Variants in MKRN1 observed in about 807,000 individuals in gnomAD.
MKRN1 encodes the protein E3 ubiquitin-protein ligase makorin-1.
MKRN1 carries 9 observed loss-of-function variants against 55.5 expected under a neutral mutation model. The ratio of observed to expected loss-of-function variants is 0.16; its 90% CI spans 0.10 to 0.28. The LOEUF (loss-of-function observed/expected upper bound fraction) is 0.28, where lower values mean the gene tolerates loss of function less well. Ranked by LOEUF, MKRN1 falls within the 10% of genes least tolerant of loss-of-function variation. The pLI, the probability that MKRN1 is intolerant of heterozygous loss-of-function variation, is 1.00. For synonymous variants in MKRN1, 253 were observed against 235.9 expected, an observed-to-expected ratio of 1.07 and a Z score of -0.66; for missense variants, 488 against 626.7, an observed-to-expected ratio of 0.78 and a Z score of 2.36.
intron 4 of MKRN1, 167 bp from the exon 5 acceptor site, chr7:140,457,033 GTTTT>G (rs61226924): frequency 1.3e-5 from 8 of 602,894 alleles, no homozygotes; most frequent in Admixed American, 3.4e-5. Context: ...CAGGTGTGGT[GTTTT>G]TTTTTTGTTT....
At chr7:140,476,897 C>T (rs555241275) in intron 1 of MKRN1, among the ~76,000 whole-genome samples, 9 of 152,002 alleles carry the variant, frequency 5.9e-5, no homozygotes, top group African/African-American at 2.2e-4. Flanking sequence ...CTGACCAACA[C>T]GGAGAAAGCC....
intron 1 of MKRN1, chr7:140,473,927 G>T (rs751979672): frequency 1.3e-5 from 2 of 149,764 alleles, no homozygotes; most frequent in Non-Finnish European, 3.0e-5. Flanking sequence ...AGGAGATGGC[G>T]ATTGCACCGA....
rs192670837 is a variant in MKRN1 at position 140,467,926 on chromosome 7, C to T, written c.314+3957G>A. Among the ~76,000 whole-genome samples the T allele has an allele frequency of 4.0e-3, 570 of 144,302 alleles. 3 individuals carry two copies. The highest frequency in any genetic ancestry group is 0.015 in the African/African-American group (544 of 36,804). 94.7% of individuals were successfully genotyped at this position (144,302 alleles called of 152,430 possible). On this transcript the variant is annotated intron_variant, in intron 2 of 7. Coordinates refer to ENST00000255977, the MANE Select transcript of MKRN1 (RefSeq NM_013446.4). ...CTGAGGCAGGACAATCACTTGAACCCGGGAGGTGGAGGTTGCGGTGAGCCG... is the reference window on the plus strand; with the variant it reads ...CTGAGGCAGGACAATCACTTGAACCTGGGAGGTGGAGGTTGCGGTGAGCCG...
Position 140,479,411 on chromosome 7 carries a change from G to C in MKRN1, c.-67C>G. 8.0e-7 allele frequency: 1 copy of C among 1,254,884 alleles called. No homozygotes were observed. The highest frequency in any genetic ancestry group is 1.0e-6 in the Non-Finnish European group (1 of 994,738). The allele number at this position is 1,254,884 out of a possible 1,614,324, so 77.7% of individuals were successfully genotyped here. A position where few individuals can be genotyped will look rare whatever the true frequency, so the allele number is the denominator to read the frequency against. On this transcript the variant is annotated 5_prime_UTR_variant, in exon 1 of 8. Transcript: ENST00000255977. Reference sequence around the variant, plus strand: ...ATCACATAGTTCCGGTCCGGCTGCGGGGAGAGGACGGCGAGGCCAGGCGAG... The same window carrying C: ...ATCACATAGTTCCGGTCCGGCTGCGCGGAGAGGACGGCGAGGCCAGGCGAG...
In MKRN1 at chr7:140,474,089, C is replaced by T. The variant is rs547962654; in HGVS notation, c.186-2078G>A. On this transcript the variant is annotated intron_variant, in intron 1 of 7. Transcript: ENST00000255977. ...AGAATAAAAGACTGTAGGGTGGGCC[C>T]GGTGGCTCACACCTACAATCCCAGC... is the stretch of plus-strand genomic sequence containing the variant. Among the ~76,000 whole-genome samples the T allele has an allele frequency of 1.0e-3, 154 of 150,512 alleles. 1 individual carries two copies. In the South Asian group the frequency reaches 0.031, roughly 30 times the overall value.
chr7:140,460,804 A>T (rs939303615), intron 2 of MKRN1, among the ~76,000 whole-genome samples: 5 of 152,240 alleles, frequency 3.3e-5, no homozygotes, highest in South Asian at 2.1e-4. Context: ...CAAATATTTT[A>T]GGCTTTGTAG....
intron 1 of MKRN1, among the ~76,000 whole-genome samples, chr7:140,476,113 T>C (rs958670930): frequency 1.3e-5 from 2 of 152,160 alleles, no homozygotes; most frequent in Non-Finnish European, 2.9e-5. Context: ...AATTCCTAGA[T>C]ACAGGAGTGA....
chr7:140,474,005 AAAAGAAAG>A (rs71272543), intron 1 of MKRN1, among the ~76,000 whole-genome samples: 7,330 of 65,300 alleles, frequency 0.11, 447 homozygotes, highest in Admixed American at 0.2. Flanking sequence ...AAAAAAAAAA[AAAAGAAAG>A]AAAGAAAGAA....
At position 140,454,992 on chromosome 7, in the gene MKRN1, C is replaced by G. The variant is rs186283328; in HGVS notation, c.1236+103G>C. On this transcript the variant is annotated intron_variant, in intron 7 of 7. Transcript: ENST00000255977. Reference sequence around the variant, plus strand: ...TCCTTTAATACTCTACACTTTCGCTCCCAGACCTGAGCGTTAACCTTCTCC... The same window carrying G: ...TCCTTTAATACTCTACACTTTCGCTGCCAGACCTGAGCGTTAACCTTCTCC... 5.1e-5 allele frequency: 76 copies of G among 1,490,212 alleles called. No homozygotes were observed. In the Admixed American group the frequency reaches 8.8e-4, roughly 17 times the overall value. 92.3% of individuals were successfully genotyped at this position (1,490,212 alleles called of 1,614,324 possible).
chr7:140,474,064 A>AGAAAGAAAGAAAGAAT (rs1563097061), intron 1 of MKRN1, among the ~76,000 whole-genome samples: 2 of 145,074 alleles, frequency 1.4e-5, no homozygotes, highest in Non-Finnish European at 3.0e-5. Flanking sequence ...AAAGAAAGAA[A>AGAAAGAAAGAAAGAAT]GAATAAAAGA....
intron 2 of MKRN1, among the ~76,000 whole-genome samples, chr7:140,468,257 A>G (rs1469099751): frequency 2.0e-5 from 3 of 151,980 alleles, no homozygotes; most frequent in African/African-American, 7.3e-5. Context: ...GTAACTCTCA[A>G]AAGACTAGAA....
rs1234260868 is a variant in MKRN1 at position 140,479,266 on chromosome 7, A to G, written c.79T>C (p.Ser27Pro). 3 of 1,391,702 alleles carry G rather than the reference A, an allele frequency of 2.2e-6. No individual in the cohort carries two copies. The highest frequency in any genetic ancestry group is 1.9e-6 in the Non-Finnish European group (2 of 1,073,536). The allele number at this position is 1,391,702 out of a possible 1,614,324, so 86.2% of individuals were successfully genotyped here. ...GTGACTGTGGGGATCGGGGTGGGGG[A>G]GGCTGCTGCCGCCGTCGCCGCTGCC... ...GAAAATAAAA[S>P]PTPIPTVTAP... is the part of the protein sequence containing the mutation. Residue 27 changes from serine to proline, a missense_variant, in exon 1 of 8, where the codon TCC becomes CCC. Ser to Pro is a moderately conservative substitution (Grantham distance 74). This residue lies in a region of MKRN1 where 210 missense variants were observed against 220.0 expected (regional missense o/e 0.95). Coordinates refer to ENST00000255977, the MANE Select transcript of MKRN1 (RefSeq NM_013446.4).
intron 2 of MKRN1, among the ~76,000 whole-genome samples, chr7:140,464,489 G>T (rs930573307): frequency 2.6e-5 from 4 of 152,062 alleles, no homozygotes; most frequent in Non-Finnish European, 5.9e-5. Flanking sequence ...GATCACCTGA[G>T]GTCAGGAGTT....
chr7:140,476,305 G>A (rs1243725338), intron 1 of MKRN1, among the ~76,000 whole-genome samples: 4 of 151,908 alleles, frequency 2.6e-5, no homozygotes, highest in African/African-American at 9.7e-5. Context: ...CTTACTGAAT[G>A]ATTGAATAAG....
intron 2 of MKRN1, 56 bp downstream of exon 2, chr7:140,471,827 T>C (rs1794935324): frequency 1.9e-6 from 3 of 1,589,402 alleles, no homozygotes; most frequent in African/African-American, 1.3e-5. Flanking sequence ...CAGAAGTATG[T>C]CTTTTACCTT....
chr7:140,475,360 A>T (rs904891019), intron 1 of MKRN1: 6 of 360,288 alleles, frequency 1.7e-5, no homozygotes, highest in Admixed American at 6.9e-5. Flanking sequence ...AAACAAACAA[A>T]CAAAACACAA....
In MKRN1 at chr7:140,459,163, G is replaced by T. The variant is rs768286835; in HGVS notation, c.615C>A (p.Thr205=). The change falls in exon 4 of 8, where the codon ACC becomes ACA. Residue 205 remains threonine, a synonymous_variant. Coordinates refer to ENST00000255977, the MANE Select transcript of MKRN1 (RefSeq NM_013446.4). ...ACAGCTGCTTCTTTGTCTCCACGGC[G>T]GTTTGCTCTTTCTCTGATTCTTCCT... ...VTKEESEKEQ[T]AVETKKQLCP... 1.1e-5 allele frequency: 18 copies of T among 1,613,814 alleles called. No individual in the cohort carries two copies. The highest frequency in any genetic ancestry group is 2.2e-5 in the East Asian group (1 of 44,894).
chr7:140,456,062 TTTCAAGCAAGGCAAC>T, intron 5 of MKRN1, 162 bp from the exon 6 acceptor site: 4 of 966,814 alleles, frequency 4.1e-6, no homozygotes, highest in Non-Finnish European at 5.7e-6. Flanking sequence ...TGACCATTTC[TTTCAAGCAAGGCAAC>T]CTCCTTTATA....
intron 2 of MKRN1, among the ~76,000 whole-genome samples, chr7:140,463,864 G>C (rs1323764308): frequency 6.6e-6 from 1 of 152,016 alleles, no homozygotes; most frequent in Non-Finnish European, 1.5e-5. Flanking sequence ...ACTCCAGCCT[G>C]GGCGACAGAG....
Sources: allele counts gnomAD v4.1 joint callset (sites outside exome capture counted in the v4.1 genomes callset), GRCh38; gene constraint gnomAD v4.1.1; regional missense constraint gnomAD v4.1.1; transcripts MANE v1.5; gene names NCBI Gene and HGNC (gene_info 2026-07-23, HGNC 2026-07-21).